Variants in PGCKA1 observed in about 807,000 individuals in gnomAD.
PGCKA1 encodes PDCD10 and GCKIII kinases associated 1.
chr4:37,551,024 A>C, the PGCKA1 span, among the ~76,000 whole-genome samples: 4 of 150,756 alleles, frequency 2.7e-5, 1 homozygote, highest in Non-Finnish European at 5.9e-5. Context: ...TAAAAAAAAA[A>C]CAGTTACATG....
the PGCKA1 span, among the ~76,000 whole-genome samples, chr4:37,529,390 G>A: frequency 3.3e-5 from 5 of 152,130 alleles, no homozygotes; most frequent in Non-Finnish European, 7.3e-5. Flanking sequence ...ATATGATTAT[G>A]TACTATTGAT....
At chr4:37,593,181 C>T in the PGCKA1 span, among the ~76,000 whole-genome samples, 1 of 152,160 alleles carries the variant, frequency 6.6e-6, no homozygotes, top group Non-Finnish European at 1.5e-5. Context: ...AATGCTTATT[C>T]CTTCAATGAT....
At chr4:37,482,615 T>C in the PGCKA1 span, among the ~76,000 whole-genome samples, 1 of 152,208 alleles carries the variant, frequency 6.6e-6, no homozygotes, top group Non-Finnish European at 1.5e-5. Context: ...TCAAGCCAGC[T>C]GCAGAAATTT....
the PGCKA1 span, among the ~76,000 whole-genome samples, chr4:37,522,475 A>G: frequency 2.0e-5 from 3 of 152,118 alleles, no homozygotes; most frequent in African/African-American, 7.2e-5. Flanking sequence ...CCTTCGGGAA[A>G]GTGGACTCTG....
At chr4:37,513,875 G>A in the PGCKA1 span, among the ~76,000 whole-genome samples, 2 of 152,174 alleles carry the variant, frequency 1.3e-5, no homozygotes, top group East Asian at 1.9e-4. Flanking sequence ...TCCGTTTAGC[G>A]ATCATTCAGA....
chr4:37,551,889 T>C, the PGCKA1 span, among the ~76,000 whole-genome samples: 1 of 152,246 alleles, frequency 6.6e-6, no homozygotes, highest in African/African-American at 2.4e-5. Flanking sequence ...GTGTACTATA[T>C]AAATCACTAT....
At chr4:37,524,883 A>G in the PGCKA1 span, among the ~76,000 whole-genome samples, 1 of 152,192 alleles carries the variant, frequency 6.6e-6, no homozygotes, top group Non-Finnish European at 1.5e-5. Context: ...TAATGCGCAC[A>G]GTGGGTTCTG....
the PGCKA1 span, among the ~76,000 whole-genome samples, chr4:37,470,514 G>A: frequency 6.6e-6 from 1 of 152,162 alleles, no homozygotes; most frequent in South Asian, 2.1e-4. Context: ...TGTGAAAAGG[G>A]TGGAGGCATT....
the PGCKA1 span, among the ~76,000 whole-genome samples, chr4:37,561,735 C>T: frequency 1.3e-5 from 2 of 152,196 alleles, no homozygotes; most frequent in Non-Finnish European, 2.9e-5. Context: ...TGCACAATTG[C>T]TCTCAGGGGA....
the PGCKA1 span, among the ~76,000 whole-genome samples, chr4:37,583,446 T>TG: frequency 6.8e-4 from 94 of 139,212 alleles, no homozygotes; most frequent in South Asian, 0.011. Context: ...TTTTTGTTTT[T>TG]TTTTTTTTGA....
chr4:37,511,250 C>A, the PGCKA1 span, among the ~76,000 whole-genome samples: 1 of 152,108 alleles, frequency 6.6e-6, no homozygotes, highest in Non-Finnish European at 1.5e-5. Flanking sequence ...TCTTTTCCCT[C>A]TGCTCTTCTC....
At chr4:37,529,276 T>C in the PGCKA1 span, among the ~76,000 whole-genome samples, 1 of 152,240 alleles carries the variant, frequency 6.6e-6, no homozygotes, top group Non-Finnish European at 1.5e-5. Context: ...CATAAATATA[T>C]TTATCCTACA....
chr4:37,588,694 C>A, the PGCKA1 span: 11 of 577,994 alleles, frequency 1.9e-5, no homozygotes, highest in Non-Finnish European at 3.4e-5. Flanking sequence ...TGGTAACCAG[C>A]ACCCTCTCTG....
chr4:37,524,157 TAAGAA>T, the PGCKA1 span, among the ~76,000 whole-genome samples: 2 of 152,264 alleles, frequency 1.3e-5, no homozygotes, highest in Non-Finnish European at 2.9e-5. Context: ...TGAAGCCGTT[TAAGAA>T]AAGGAACTGC....
chr4:37,524,855 C>T, the PGCKA1 span, among the ~76,000 whole-genome samples: 3,234 of 152,156 alleles, frequency 0.021, 143 homozygotes, highest in African/African-American at 0.074. Context: ...TAATCACTTA[C>T]GGAGAGTTCA....
chr4:37,474,265 G>A, the PGCKA1 span, among the ~76,000 whole-genome samples: 2 of 151,984 alleles, frequency 1.3e-5, no homozygotes, highest in Admixed American at 6.6e-5. Context: ...TTTCTCTCTT[G>A]CCTTTCTACC....
At chr4:37,480,821 G>T in the PGCKA1 span, among the ~76,000 whole-genome samples, 41 of 152,342 alleles carry the variant, frequency 2.7e-4, 1 homozygote, top group South Asian at 8.1e-3. Flanking sequence ...GTTATTTGTG[G>T]TTTACGGTCA....
At chr4:37,468,980 C>T in the PGCKA1 span, among the ~76,000 whole-genome samples, 4 of 152,046 alleles carry the variant, frequency 2.6e-5, no homozygotes, top group African/African-American at 4.8e-5. Context: ...CTCATAACAA[C>T]GTTTGGGTCA....
the PGCKA1 span, among the ~76,000 whole-genome samples, chr4:37,583,575 T>G: frequency 5.9e-5 from 9 of 152,128 alleles, no homozygotes; most frequent in Non-Finnish European, 1.2e-4. Context: ...TAGCTGGGAC[T>G]ACAGGCGCCC....
Sources: allele counts gnomAD v4.1 joint callset (sites outside exome capture counted in the v4.1 genomes callset), GRCh38; gene constraint gnomAD v4.1.1; transcripts MANE v1.5; gene names NCBI Gene and HGNC (gene_info 2026-07-23, HGNC 2026-07-21).